The following CDH1 variants were observed in gnomAD, a reference collection of about 807,000 sequenced individuals.
CDH1 encodes the protein cadherin-1.
In CDH1, 35 loss-of-function variants were observed where a neutral mutation model predicts 84.5. The ratio of observed to expected loss-of-function variants is 0.41; its 90% CI spans 0.32 to 0.55. CDH1 has a LOEUF of 0.55. Ranked by LOEUF, CDH1 falls within the 20% of genes least tolerant of loss-of-function variation. The pLI, the probability that CDH1 is intolerant of heterozygous loss-of-function variation, is 0.19. For missense variants in CDH1, 994 were observed against 1,126.6 expected (o/e 0.88, Z 1.68); for synonymous variants, 417 against 439.0 (o/e 0.95, Z 0.63).
chr16:68,743,336 TTTC>T (rs1567473920), intron 2 of CDH1, among the ~76,000 whole-genome samples: 2,146 of 32,630 alleles, frequency 0.066, 161 homozygotes, highest in African/African-American at 0.092. Context: ...TCTTTCTTTC[TTTC>T]TTTCTTTCTT....
chr16:68,743,313 TTC>T (rs1420332166), intron 2 of CDH1, among the ~76,000 whole-genome samples: 1 of 19,586 alleles, frequency 5.1e-5, no homozygotes, highest in Non-Finnish European at 1.2e-4. Context: ...CTTTCTTTCT[TTC>T]TTTCTTTCTT....
chr16:68,813,198 A>C (rs1057387939), intron 8 of CDH1, 115 bp from the exon 9 acceptor site: 1 of 1,050,300 alleles, frequency 9.5e-7, no homozygotes, highest in Middle Eastern at 2.6e-4. Context: ...GCCTGGTGAC[A>C]GTGAGATCTT....
Position 68,833,338 on chromosome 16 carries a change from C to A in CDH1, c.2488C>A (p.Leu830Met). 6.2e-7 allele frequency: 1 copy of A among 1,614,214 alleles called. No individual in the cohort carries two copies. Among genetic ancestry groups the A allele is most frequent in the Non-Finnish European group, 8.5e-7 (1 of 1,180,036 alleles). Reference protein sequence around the residue: ...TDPTAPPYDSLLVFDYEGSGS... With the variant: ...TDPTAPPYDSMLVFDYEGSGS... ...CCCCACAGCCCCGCCTTATGATTCT[C>A]TGCTCGTGTTTGACTATGAAGGAAG... The change falls in exon 16 of 16, where the codon CTG (leucine) becomes ATG (methionine). Residue 830 changes from leucine to methionine, a missense_variant. Physicochemically the swap from Leu to Met is conservative, Grantham distance 15. Around this residue, in one of 3 missense-constraint regions of CDH1, gnomAD observed 769 missense variants for 881.8 expected, o/e 0.87. Transcript: ENST00000261769.
chr16:68,817,235 T>C (rs1014326146), intron 10 of CDH1, among the ~76,000 whole-genome samples: 11 of 152,214 alleles, frequency 7.2e-5, no homozygotes, highest in African/African-American at 2.7e-4. Flanking sequence ...TCCCATTAAA[T>C]GGCAATAGTG....
At chr16:68,820,629 T>C (rs929085781) in intron 11 of CDH1, among the ~76,000 whole-genome samples, 3 of 152,088 alleles carry the variant, frequency 2.0e-5, no homozygotes, top group Non-Finnish European at 4.4e-5. Flanking sequence ...GGATTACAGG[T>C]GTGAGCCACC....
At chr16:68,814,273 C>T (rs1960925660) in intron 9 of CDH1, 1 of 152,646 alleles carries the variant, frequency 6.6e-6, no homozygotes, top group Non-Finnish European at 1.5e-5. Context: ...CTTGGTGGCT[C>T]ATGGTGGCTC....
chr16:68,811,210 C>G (rs1481194379), intron 6 of CDH1, among the ~76,000 whole-genome samples: 1 of 151,864 alleles, frequency 6.6e-6, no homozygotes, highest in African/African-American at 2.4e-5. Flanking sequence ...CCAGCCTGAC[C>G]AACATGGAGA....
At chr16:68,804,822 ATCT>A (rs1230808048) in intron 3 of CDH1, among the ~76,000 whole-genome samples, 19 of 124,602 alleles carry the variant, frequency 1.5e-4, no homozygotes, top group Admixed American at 1.4e-3. Context: ...AGGTAACAAA[ATCT>A]TTTTTTTTTT....
chr16:68,811,607 C>A (rs36102783), intron 6 of CDH1, 77 bp from the exon 7 acceptor site: 3 of 1,282,650 alleles, frequency 2.3e-6, no homozygotes, highest in Non-Finnish European at 3.4e-6. Context: ...TCCCTCAGGG[C>A]AGAATTGGAT....
At chr16:68,822,251 A>C in intron 12 of CDH1, 26 bp downstream of exon 12, 1 of 1,536,174 alleles carries the variant, frequency 6.5e-7, no homozygotes, top group Non-Finnish European at 9.0e-7. Context: ...TTATTTTGGC[A>C]ACTTTGCTCC....
In CDH1 at chr16:68,801,739, G is replaced by T. The variant is rs587781404; in HGVS notation, c.233G>T (p.Gly78Val). 1 of 1,614,134 alleles carries T rather than the reference G, an allele frequency of 6.2e-7. No homozygotes were observed. Among genetic ancestry groups the T allele is most frequent in the Non-Finnish European group, 8.5e-7 (1 of 1,180,010 alleles). Residue 78 changes from glycine (G) to valine (V), a missense_variant, in exon 3 of 16, where the codon GGC becomes GTC. Transcript: ENST00000261769. ...YFSLDTRFKV[G>V]TDGVITVKRP... ...TCCCTCGACACCCGATTCAAAGTGG[G>T]CACAGATGGTGTGATTACAGTCAAA...
rs926940348 is a variant in CDH1, at chr16:68,834,821, T to C, written c.*1322T>C. ...GGACTTAGAATAGTGCCTAAAGTGC[T>C]GCAGCCAAAGACAGAGCGGAACTAT... is the stretch of plus-strand genomic sequence containing the variant. On this transcript the variant is annotated 3_prime_UTR_variant, in exon 16 of 16. Transcript: ENST00000261769. 23 of 232,452 alleles carry C rather than the reference T, an allele frequency of 9.9e-5. No homozygotes were observed. The highest frequency in any genetic ancestry group is 9.6e-4 in the Admixed American group (17 of 17,728). 14.4% of individuals were successfully genotyped at this position (232,452 alleles called of 1,614,324 possible). A position where few individuals can be genotyped will look rare whatever the true frequency, so the allele number is the denominator to read the frequency against.
intron 2 of CDH1, among the ~76,000 whole-genome samples, chr16:68,793,899 C>T (rs1482669668): frequency 6.9e-6 from 1 of 145,878 alleles, no homozygotes; most frequent in East Asian, 2.0e-4. Context: ...CCATTGCACT[C>T]CAGTGTGGGC....
intron 2 of CDH1, among the ~76,000 whole-genome samples, chr16:68,791,614 G>A (rs1960211114): frequency 1.3e-5 from 2 of 152,014 alleles, no homozygotes; most frequent in Non-Finnish European, 2.9e-5. Context: ...TAGAGTTGGG[G>A]TCTTGCCATG....
chr16:68,783,139 G>T (rs1189773613), intron 2 of CDH1, among the ~76,000 whole-genome samples: 2 of 151,986 alleles, frequency 1.3e-5, no homozygotes, highest in African/African-American at 2.4e-5. Flanking sequence ...GCTCACTCCT[G>T]TAATCCTGGC....
At chr16:68,811,988 C>T (rs2152132294) in intron 7 of CDH1, 129 bp downstream of exon 7, 1 of 1,361,410 alleles carries the variant, frequency 7.3e-7, no homozygotes, top group Non-Finnish European at 1.0e-6. Context: ...TGCATCTAAG[C>T]TTGTGCCCAG....
chr16:68,811,970 C>T (rs1316712919), intron 7 of CDH1, 111 bp downstream of exon 7: 7 of 1,453,916 alleles, frequency 4.8e-6, no homozygotes, highest in Non-Finnish European at 5.7e-6. Context: ...CAGTGATGGT[C>T]TAAGCTTTGC....
intron 2 of CDH1, among the ~76,000 whole-genome samples, chr16:68,745,547 A>T (rs866360128): frequency 0.23 from 4,851 of 21,546 alleles, 294 homozygotes; most frequent in African/African-American, 0.33. Flanking sequence ...AAAAAAAAAA[A>T]AAATATATAT....
At chr16:68,794,329 C>A (rs935799700) in intron 2 of CDH1, among the ~76,000 whole-genome samples, 4 of 152,066 alleles carry the variant, frequency 2.6e-5, no homozygotes, top group African/African-American at 9.7e-5. Context: ...CATGAGCCAC[C>A]ATACCTGGCC....
Sources: gnomAD v4.1 joint callset for allele counts (sites outside exome capture counted in the v4.1 genomes callset) on GRCh38, gnomAD v4.1.1 for gene constraint, gnomAD v4.1.1 regional missense constraint, MANE v1.5 for transcripts, NCBI Gene and HGNC (gene_info 2026-07-23, HGNC 2026-07-21) for gene names.